Variants in RARS2 observed in about 807,000 individuals in gnomAD.
The protein encoded by RARS2 is arginyl-tRNA synthetase 2, mitochondrial, also known as probable arginine--tRNA ligase, mitochondrial.
Under a neutral mutation model 88.5 loss-of-function variants are expected in RARS2, and 67 were observed. The ratio of observed to expected loss-of-function variants is 0.76; its 90% CI spans 0.62 to 0.93. RARS2 has a LOEUF of 0.93. Ranked by LOEUF, RARS2 falls within the 40% of genes least tolerant of loss-of-function variation. The pLI is 0.00. For missense variants in RARS2, 664 were observed against 684.2 expected, an observed-to-expected ratio of 0.97 and a Z score of 0.33; for synonymous variants, 239 against 230.3, an observed-to-expected ratio of 1.04 and a Z score of -0.34.
At chr6:87,519,850 T>TA in intron 13 of RARS2, 143 bp from the exon 14 acceptor site, 1 of 1,011,224 alleles carries the variant, frequency 9.9e-7, no homozygotes, top group Non-Finnish European at 1.5e-6. Context: ...ATGTGATTTG[T>TA]ATGCTACAAA....
At chr6:87,550,514 A>G (rs918251813) in intron 5 of RARS2, among the ~76,000 whole-genome samples, 1 of 151,902 alleles carries the variant, frequency 6.6e-6, no homozygotes, top group Non-Finnish European at 1.5e-5. Flanking sequence ...AAAAGAAAAT[A>G]ATACAGATAA....
At position 87,564,215 on chromosome 6, in the gene RARS2, T is replaced by A; in HGVS notation, c.128A>T (p.Gln43Leu). Residue 43 changes from glutamine (Q) to leucine (L), a missense_variant, in exon 3 of 20, where the codon CAG becomes CTG. Physicochemically the swap from Gln to Leu is moderately radical, Grantham distance 113. Transcript: ENST00000369536. Reference protein sequence around the residue: ...ISQKEEVADFQLSVDSLLEKD... With the variant: ...ISQKEEVADFLLSVDSLLEKD... ...TTCCAATAAAGAATCCACAGAAAGCTGAAAATCAGCTACTTCTCTAAAGAC... is the reference window on the plus strand; with the variant it reads ...TTCCAATAAAGAATCCACAGAAAGCAGAAAATCAGCTACTTCTCTAAAGAC... 2 of 1,612,550 alleles carry A rather than the reference T, an allele frequency of 1.2e-6. No individual in the cohort carries two copies.
chr6:87,531,842 G>T (rs1056170111), intron 8 of RARS2, among the ~76,000 whole-genome samples: 2 of 151,924 alleles, frequency 1.3e-5, no homozygotes, highest in Non-Finnish European at 2.9e-5. Flanking sequence ...TATACATATG[G>T]ACAAATATTT....
chr6:87,583,846 C>T (rs1417420347), intron 1 of RARS2, among the ~76,000 whole-genome samples: 1 of 152,142 alleles, frequency 6.6e-6, no homozygotes, highest in Non-Finnish European at 1.5e-5. Flanking sequence ...ATCTCAGTGT[C>T]CTTTTCTGTA....
chr6:87,574,318 T>C (rs905045954), intron 1 of RARS2, among the ~76,000 whole-genome samples: 5 of 151,854 alleles, frequency 3.3e-5, no homozygotes, highest in African/African-American at 9.7e-5. Context: ...CATGTCAGAG[T>C]TGAGGAATAA....
At chr6:87,554,285 T>C (rs1785146811) in intron 5 of RARS2, among the ~76,000 whole-genome samples, 1 of 152,134 alleles carries the variant, frequency 6.6e-6, no homozygotes, top group Non-Finnish European at 1.5e-5. Flanking sequence ...TGTTCCCTTT[T>C]CTCTCTTGGT....
Position 87,545,626 on chromosome 6 carries a change from G to A in RARS2, c.525C>T (p.Gly175=). Residue 175 remains glycine, a synonymous_variant, in exon 7 of 20, where the codon GGC becomes GGT. Coordinates refer to ENST00000369536, the MANE Select transcript of RARS2 (RefSeq NM_020320.5). ...CTCAAGTGTACTTACCAAACTGCAT[G>A]CCCCAATCGCCAAGGTAATTTATTC... The part of the protein sequence containing the change: ...VIRINYLGDW[G]MQFGLLGTGF... 1 of 1,613,676 alleles carries A rather than the reference G, an allele frequency of 6.2e-7. No homozygotes were observed.
intron 4 of RARS2, among the ~76,000 whole-genome samples, chr6:87,562,040 T>C (rs1030848668): frequency 2.6e-5 from 4 of 152,152 alleles, no homozygotes; most frequent in African/African-American, 7.2e-5. Flanking sequence ...TCACAGCTCA[T>C]TGCAACCTCA....
At chr6:87,579,766 C>T (rs1187394914) in intron 1 of RARS2, among the ~76,000 whole-genome samples, 4 of 120,222 alleles carry the variant, frequency 3.3e-5, no homozygotes, top group African/African-American at 9.5e-5. Flanking sequence ...CTCGCTCTGT[C>T]GCCAGGCTGG....
At chr6:87,530,743 C>T in intron 9 of RARS2, 41 bp downstream of exon 9, 1 of 1,599,892 alleles carries the variant, frequency 6.3e-7, no homozygotes. Flanking sequence ...CCGAGAGCTG[C>T]ACTGCATCAT....
chr6:87,542,061 T>C, intron 7 of RARS2, 67 bp from the exon 8 acceptor site: 1 of 1,238,800 alleles, frequency 8.1e-7, no homozygotes, highest in South Asian at 1.2e-5. Flanking sequence ...TGACAGGGAA[T>C]AGGTATAATT....
chr6:87,519,600 T>G lies in RARS2; in HGVS notation c.1220A>C (p.Asn407Thr). 6.2e-7 allele frequency: 1 copy of G among 1,612,686 alleles called. No homozygotes were observed. The highest frequency in any genetic ancestry group is 8.5e-7 in the Non-Finnish European group (1 of 1,178,672). Reference protein sequence around the residue: ...LNEIQLRMLQNMASIKTTKEL... With the variant: ...LNEIQLRMLQTMASIKTTKEL... ...GAATTCACTCTTAATTGAAGCCATG[T>G]TCTGTAGCATCCTTAATTGAATCTC... The change falls in exon 14 of 20, where the codon AAC becomes ACC. Residue 407 changes from asparagine to threonine, a missense_variant. Physicochemically the swap from Asn to Thr is moderately conservative, Grantham distance 65. Transcript: ENST00000369536.
intron 2 of RARS2, among the ~76,000 whole-genome samples, chr6:87,567,383 C>T (rs992032350): frequency 6.6e-6 from 1 of 152,318 alleles, no homozygotes; most frequent in Admixed American, 6.5e-5. Context: ...GTTATTTTCC[C>T]ATTAATTCTG....
intron 2 of RARS2, among the ~76,000 whole-genome samples, chr6:87,564,919 G>T (rs553475422): frequency 1.5e-5 from 2 of 131,822 alleles, no homozygotes; most frequent in Admixed American, 1.7e-4. Context: ...TTAGCCAGGC[G>T]TGGTGGCATG....
chr6:87,585,161 T>C (rs1158899924), intron 1 of RARS2, among the ~76,000 whole-genome samples: 1 of 152,164 alleles, frequency 6.6e-6, no homozygotes, highest in East Asian at 1.9e-4. Flanking sequence ...TATGAACTCA[T>C]TCAGTGAAGC....
chr6:87,515,543 T>C (rs1771357764), intron 18 of RARS2, among the ~76,000 whole-genome samples: 1 of 151,800 alleles, frequency 6.6e-6, no homozygotes, highest in South Asian at 2.1e-4. Context: ...GATTATGATT[T>C]CAATGTTAAT....
At chr6:87,548,871 C>T (rs916010878) in intron 5 of RARS2, among the ~76,000 whole-genome samples, 1 of 152,078 alleles carries the variant, frequency 6.6e-6, no homozygotes, top group African/African-American at 2.4e-5. Context: ...ATAGCATTCA[C>T]GTAAGTGGTA....
intron 1 of RARS2, among the ~76,000 whole-genome samples, chr6:87,578,367 C>T (rs1174607874): frequency 6.6e-6 from 1 of 151,828 alleles, no homozygotes; most frequent in East Asian, 1.9e-4. Flanking sequence ...AGAAATATAC[C>T]TAAAAATAAA....
At chr6:87,581,026 A>G (rs752503645) in intron 1 of RARS2, among the ~76,000 whole-genome samples, 7 of 152,216 alleles carry the variant, frequency 4.6e-5, no homozygotes, top group African/African-American at 7.2e-5. Flanking sequence ...TCAATCAATT[A>G]GCTTGTCAGC....
Sources: gnomAD v4.1 joint callset for allele counts (sites outside exome capture counted in the v4.1 genomes callset) on GRCh38, gnomAD v4.1.1 for gene constraint, MANE v1.5 for transcripts, NCBI Gene and HGNC (gene_info 2026-07-23, HGNC 2026-07-21) for gene names.